STARD13: variants seen among roughly 807,000 people sequenced by gnomAD.
STARD13 encodes StAR related lipid transfer domain containing 13.
In STARD13, 62 loss-of-function variants were observed where a neutral mutation model predicts 106.4. That is an observed-to-expected ratio of 0.58 (90% CI 0.48 to 0.72). STARD13 has a LOEUF of 0.72. Ranked by LOEUF, STARD13 falls within the 30% of genes least tolerant of loss-of-function variation. The pLI is 0.00. For missense variants in STARD13, 1,387 were observed against 1,424.0 expected, an observed-to-expected ratio of 0.97 and a Z score of 0.42; for synonymous variants, 565 against 553.0, an observed-to-expected ratio of 1.02 and a Z score of -0.31.
At chr13:33,369,321 C>T in the STARD13 span, among the ~76,000 whole-genome samples, 1 of 152,208 alleles carries the variant, frequency 6.6e-6, no homozygotes, top group East Asian at 1.9e-4. Flanking sequence ...TCGATCTCCA[C>T]TGCCAAATTA....
intron 7 of STARD13, among the ~76,000 whole-genome samples, chr13:33,119,239 C>G (rs1254583642): frequency 6.6e-6 from 1 of 152,186 alleles, no homozygotes; most frequent in Non-Finnish European, 1.5e-5. Context: ...AATAATATGT[C>G]TGCTATTTTT....
At position 33,272,793 on chromosome 13, in the gene STARD13, G is replaced by A. The variant is rs375465525; in HGVS notation, c.169+12677C>T. On this transcript the variant is annotated intron_variant, in intron 1 of 13. Coordinates refer to ENST00000336934, the MANE Select transcript of STARD13 (RefSeq NM_178006.4). Reference sequence around the variant, plus strand: ...CAGTGTCCAGGGCCAGCTCTGCTAAGGTAACCAAAGACAGAGAAGGAGGCA... The same window carrying A: ...CAGTGTCCAGGGCCAGCTCTGCTAAAGTAACCAAAGACAGAGAAGGAGGCA... The A allele has an allele frequency of 1.1e-4, 17 of 152,356 alleles. No individual in the cohort carries two copies. In the East Asian group the frequency reaches 2.1e-3, roughly 19 times the overall value. 9.4% of individuals were successfully genotyped at this position (152,356 alleles called of 1,614,324 possible).
chr13:33,362,690 A>T, the STARD13 span, among the ~76,000 whole-genome samples: 1 of 152,244 alleles, frequency 6.6e-6, no homozygotes, highest in African/African-American at 2.4e-5. Flanking sequence ...AGGTCTTAGC[A>T]TAGCTGTCCC....
the STARD13 span, among the ~76,000 whole-genome samples, chr13:33,382,979 C>T: frequency 6.6e-6 from 1 of 152,134 alleles, no homozygotes; most frequent in African/African-American, 2.4e-5. Flanking sequence ...ACATAATTGG[C>T]ATTTACATAC....
the STARD13 span, among the ~76,000 whole-genome samples, chr13:33,502,121 T>C: frequency 6.6e-6 from 1 of 152,208 alleles, no homozygotes; most frequent in African/African-American, 2.4e-5. Context: ...GTTGGATTCC[T>C]AGGTATTTTA....
At chr13:33,548,662 A>G in the STARD13 span, among the ~76,000 whole-genome samples, 16 of 152,234 alleles carry the variant, frequency 1.1e-4, no homozygotes, top group Admixed American at 1.0e-3. Context: ...TAAGAAGATT[A>G]TACCACCTCA....
At chr13:33,301,500 C>G (rs1892706850) in intron 1 of STARD13, among the ~76,000 whole-genome samples, 1 of 151,880 alleles carries the variant, frequency 6.6e-6, no homozygotes, top group Non-Finnish European at 1.5e-5. Context: ...TGGTATACAC[C>G]AAATGCCATA....
At chr13:33,584,122 C>A in the STARD13 span, among the ~76,000 whole-genome samples, 1 of 152,232 alleles carries the variant, frequency 6.6e-6, no homozygotes, top group Non-Finnish European at 1.5e-5. Flanking sequence ...TCTTTGCCAA[C>A]ACTTGTTATT....
At chr13:33,228,432 T>C (rs1385061074) in intron 1 of STARD13, among the ~76,000 whole-genome samples, 1 of 150,796 alleles carries the variant, frequency 6.6e-6, no homozygotes, top group Non-Finnish European at 1.5e-5. Flanking sequence ...GTACAGTTCA[T>C]TTACAGTGTT....
At chr13:33,131,233 T>A (rs938498728) in intron 4 of STARD13, among the ~76,000 whole-genome samples, 2 of 152,190 alleles carry the variant, frequency 1.3e-5, no homozygotes, top group South Asian at 4.1e-4. Context: ...TGCTTCATCC[T>A]CACCAAGCAC....
the STARD13 span, among the ~76,000 whole-genome samples, chr13:33,442,810 A>T: frequency 6.6e-6 from 1 of 152,208 alleles, no homozygotes; most frequent in African/African-American, 2.4e-5. Flanking sequence ...AAATGAATAC[A>T]TAACACCCAT....
intron 3 of STARD13, among the ~76,000 whole-genome samples, chr13:33,161,574 C>A (rs770262895): frequency 9.9e-5 from 15 of 152,144 alleles, no homozygotes; most frequent in Admixed American, 9.8e-4. Flanking sequence ...CTCAGCCTCC[C>A]AAAGTGCTGG....
At chr13:33,197,587 C>T (rs901464940) in intron 1 of STARD13, among the ~76,000 whole-genome samples, 14 of 152,196 alleles carry the variant, frequency 9.2e-5, no homozygotes, top group African/African-American at 3.4e-4. Context: ...TCTCTTTCCT[C>T]TCCGTCAGCG....
chr13:33,578,952 C>A, the STARD13 span, among the ~76,000 whole-genome samples: 1 of 152,144 alleles, frequency 6.6e-6, no homozygotes, highest in East Asian at 1.9e-4. Context: ...CAATGAGATA[C>A]CACCTTACTC....
intron 1 of STARD13, among the ~76,000 whole-genome samples, chr13:33,264,146 G>T (rs979105018): frequency 4.6e-5 from 7 of 152,192 alleles, no homozygotes; most frequent in Non-Finnish European, 7.3e-5. Flanking sequence ...AGTGCCCAAG[G>T]CTTCGGATGT....
the STARD13 span, among the ~76,000 whole-genome samples, chr13:33,419,716 G>A: frequency 9.2e-5 from 14 of 152,168 alleles, no homozygotes; most frequent in Non-Finnish European, 1.6e-4. Context: ...AGAAAGGTCG[G>A]GTTACCCCCA....
chr13:33,161,530 G>A (rs184973957), intron 3 of STARD13, among the ~76,000 whole-genome samples: 1 of 152,044 alleles, frequency 6.6e-6, no homozygotes, highest in Non-Finnish European at 1.5e-5. Context: ...GCCCAGGCTG[G>A]TCTCAAACTC....
chr13:33,382,972 T>C, the STARD13 span, among the ~76,000 whole-genome samples: 2 of 152,208 alleles, frequency 1.3e-5, no homozygotes, highest in Admixed American at 6.5e-5. Context: ...ATACGCAACA[T>C]AATTGGCATT....
the STARD13 span, among the ~76,000 whole-genome samples, chr13:33,438,987 A>G: frequency 6.6e-6 from 1 of 152,332 alleles, no homozygotes; most frequent in South Asian, 2.1e-4. Flanking sequence ...TACGCTATCT[A>G]CAAGATATGA....
Sources: allele counts gnomAD v4.1 joint callset (sites outside exome capture counted in the v4.1 genomes callset), GRCh38; gene constraint gnomAD v4.1.1; transcripts MANE v1.5; gene names NCBI Gene and HGNC (gene_info 2026-07-23, HGNC 2026-07-21).